RANBP2: variants seen among roughly 807,000 people sequenced by gnomAD.
RANBP2 encodes E3 SUMO-protein ligase RanBP2.
RANBP2 carries 57 observed loss-of-function variants against 303.6 expected under a neutral mutation model. That is an observed-to-expected ratio of 0.19 (90% CI 0.15 to 0.23). RANBP2 has a LOEUF of 0.23. Ranked by LOEUF, RANBP2 falls within the 10% of genes least tolerant of loss-of-function variation. The pLI is 1.00. For synonymous variants in RANBP2, 1,167 were observed against 1,301.5 expected (o/e 0.90, Z 2.23); for missense variants, 3,138 against 3,780.8 (o/e 0.83, Z 4.46).
the RANBP2 span, among the ~76,000 whole-genome samples, chr2:109,024,427 CA>C: frequency 6.6e-6 from 1 of 152,332 alleles, no homozygotes; most frequent in African/African-American, 2.4e-5. Context: ...TCGAAAATCT[CA>C]AAACTTTGCA....
chr2:109,447,147 T>TAAAAAAAAAAAAAAAAAAAAAAA, the RANBP2 span, among the ~76,000 whole-genome samples: 3 of 82,682 alleles, frequency 3.6e-5, no homozygotes, highest in Non-Finnish European at 5.4e-5. Flanking sequence ...CCTGAATATT[T>TAAAAAAAAAAAAAAAAAAAAAAA]AAAAAAAAAA....
chr2:108,833,692 T>C, the RANBP2 span, among the ~76,000 whole-genome samples: 1 of 151,904 alleles, frequency 6.6e-6, no homozygotes, highest in African/African-American at 2.4e-5. Context: ...ACAAATTTTT[T>C]TGTTGACAAA....
At chr2:109,452,907 A>T in the RANBP2 span, among the ~76,000 whole-genome samples, 1 of 130,380 alleles carries the variant, frequency 7.7e-6, no homozygotes, top group Non-Finnish European at 1.6e-5. Flanking sequence ...TGGTCCCGGG[A>T]GGCTGGTGCC....
At chr2:109,263,804 A>G in the RANBP2 span, among the ~76,000 whole-genome samples, 2 of 152,066 alleles carry the variant, frequency 1.3e-5, no homozygotes, top group East Asian at 1.9e-4. Flanking sequence ...GTCTCTACTA[A>G]AAAAATACAA....
At chr2:109,195,091 A>G in the RANBP2 span, among the ~76,000 whole-genome samples, 4 of 152,350 alleles carry the variant, frequency 2.6e-5, no homozygotes, top group African/African-American at 9.6e-5. Flanking sequence ...GACTGAAAAG[A>G]AGAGCATTTT....
At chr2:109,420,531 C>T in the RANBP2 span, among the ~76,000 whole-genome samples, 8 of 152,184 alleles carry the variant, frequency 5.3e-5, no homozygotes, top group Non-Finnish European at 7.4e-5. Flanking sequence ...CTGCAAGCTC[C>T]GCCCCCCAGG....
the RANBP2 span, chr2:109,437,073 G>A: frequency 6.0e-5 from 97 of 1,613,506 alleles, no homozygotes; most frequent in African/African-American, 9.7e-4. Context: ...CCACAGCCTC[G>A]CCCCCAACAG....
the RANBP2 span, chr2:109,398,565 C>T: frequency 2.0e-6 from 3 of 1,521,522 alleles, no homozygotes; most frequent in Non-Finnish European, 2.6e-6. Context: ...TTAATGCAGC[C>T]TCCCCTCTCC....
the RANBP2 span, among the ~76,000 whole-genome samples, chr2:109,306,532 C>T: frequency 1.3e-5 from 2 of 152,184 alleles, no homozygotes; most frequent in South Asian, 4.1e-4. Context: ...CCGACCTGCC[C>T]TTGTGGATGC....
chr2:109,264,347 C>T, the RANBP2 span, among the ~76,000 whole-genome samples: 3 of 143,808 alleles, frequency 2.1e-5, no homozygotes, highest in Non-Finnish European at 3.0e-5. Flanking sequence ...CCAGGATCCA[C>T]TCCGAGTCTG....
At chr2:109,050,099 G>A in the RANBP2 span, among the ~76,000 whole-genome samples, 1 of 151,952 alleles carries the variant, frequency 6.6e-6, no homozygotes, top group African/African-American at 2.4e-5. Flanking sequence ...GAGATGTGCT[G>A]TAAATATAAA....
the RANBP2 span, among the ~76,000 whole-genome samples, chr2:109,162,315 C>T: frequency 0.029 from 4,448 of 152,312 alleles, 203 homozygotes; most frequent in African/African-American, 0.1. Context: ...ACAGCTACTG[C>T]GAGAAGTTGC....
At chr2:109,614,162 G>A in the RANBP2 span, 40 of 1,186,378 alleles carry the variant, frequency 3.4e-5, no homozygotes, top group African/African-American at 6.3e-5. Context: ...GAATGCAGGC[G>A]GGAACTGCGG....
At chr2:109,614,369 C>G in the RANBP2 span, 2 of 820,766 alleles carry the variant, frequency 2.4e-6, no homozygotes, top group Non-Finnish European at 3.2e-6. Flanking sequence ...GCCTCAGACG[C>G]GTAGGCTGGC....
At chr2:108,890,570 A>G in the RANBP2 span, among the ~76,000 whole-genome samples, 2 of 152,094 alleles carry the variant, frequency 1.3e-5, no homozygotes, top group African/African-American at 2.4e-5. Context: ...AGGTAACTGT[A>G]TGCTTTTCTC....
chr2:109,268,487 T>C, the RANBP2 span, among the ~76,000 whole-genome samples: 4 of 152,132 alleles, frequency 2.6e-5, no homozygotes, highest in Non-Finnish European at 5.9e-5. Context: ...CTCCCCTCAG[T>C]GGCCTCCCAA....
the RANBP2 span, among the ~76,000 whole-genome samples, chr2:109,206,867 G>A: frequency 6.6e-6 from 1 of 152,208 alleles, no homozygotes; most frequent in African/African-American, 2.4e-5. Context: ...AAAGTTGACT[G>A]AGCATTCTCA....
At chr2:109,127,975 CAG>C in the RANBP2 span, 4 of 152,258 alleles carry the variant, frequency 2.6e-5, no homozygotes, top group African/African-American at 9.6e-5. Flanking sequence ...TTAATAATAA[CAG>C]AAAGATCATA....
chr2:109,227,750 A>G, the RANBP2 span, among the ~76,000 whole-genome samples: 3 of 152,192 alleles, frequency 2.0e-5, no homozygotes, highest in African/African-American at 7.2e-5. Flanking sequence ...TTTCGGGTCC[A>G]ACGCAAGTTC....
Sources: allele counts gnomAD v4.1 joint callset (sites outside exome capture counted in the v4.1 genomes callset), GRCh38; gene constraint gnomAD v4.1.1; transcripts MANE v1.5; gene names NCBI Gene and HGNC (gene_info 2026-07-23, HGNC 2026-07-21).